Variants in FBXL7 observed in about 807,000 individuals in gnomAD.
The protein encoded by FBXL7 is F-box and leucine rich repeat protein 7, also known as F-box/LRR-repeat protein 7.
A neutral mutation model predicts 38.3 loss-of-function variants in FBXL7; 12 were observed. That is an observed-to-expected ratio of 0.31 (90% CI 0.20 to 0.51). The LOEUF (loss-of-function observed/expected upper bound fraction) is 0.51. Ranked by LOEUF, FBXL7 falls within the 20% of genes least tolerant of loss-of-function variation. The pLI is 0.98. For missense variants in FBXL7, 567 were observed against 676.4 expected, an observed-to-expected ratio of 0.84 and a Z score of 1.79; for synonymous variants, 297 against 300.9, an observed-to-expected ratio of 0.99 and a Z score of 0.13.
At chr5:15,666,640 T>C (rs953806282) in intron 2 of FBXL7, among the ~76,000 whole-genome samples, 1 of 152,190 alleles carries the variant, frequency 6.6e-6, no homozygotes, top group Admixed American at 6.5e-5. Context: ...TCAAATGTTA[T>C]TTTCAGTGAT....
At chr5:15,775,098 G>A (rs969641065) in intron 2 of FBXL7, among the ~76,000 whole-genome samples, 6 of 152,138 alleles carry the variant, frequency 3.9e-5, no homozygotes, top group African/African-American at 1.4e-4. Context: ...AGTTTACCAT[G>A]TTGTAAACAT....
At chr5:15,724,201 AG>A (rs1744278457) in intron 2 of FBXL7, among the ~76,000 whole-genome samples, 1 of 152,158 alleles carries the variant, frequency 6.6e-6, no homozygotes, top group Non-Finnish European at 1.5e-5. Flanking sequence ...CTCCATTTTT[AG>A]TTTCTTTCAT....
chr5:15,785,423 A>G (rs879288700), intron 2 of FBXL7, among the ~76,000 whole-genome samples: 1 of 152,210 alleles, frequency 6.6e-6, no homozygotes, highest in Admixed American at 6.5e-5. Context: ...GCTTTCAGCA[A>G]CAACTGGGTC....
intron 2 of FBXL7, among the ~76,000 whole-genome samples, chr5:15,873,247 G>C (rs1397053866): frequency 6.6e-6 from 1 of 152,068 alleles, no homozygotes; most frequent in Admixed American, 6.6e-5. Context: ...AGAATCTGTG[G>C]GACACAGCTA....
At position 15,898,364 on chromosome 5, in the gene FBXL7, C is replaced by A. The variant is rs561816136; in HGVS notation, c.128-29526C>A. ...ACGAAAAGGCCTAAGCAATGGTCAC[C>A]AAAAACCTGGTAGTGATATATAGGG... On this transcript the variant is annotated intron_variant, in intron 2 of 3. Coordinates refer to ENST00000504595, the MANE Select transcript of FBXL7 (RefSeq NM_012304.5). 2.0e-5 allele frequency among the ~76,000 whole-genome samples: 3 copies of A among 152,186 alleles called. No homozygotes were observed. In the South Asian group the frequency reaches 6.2e-4, roughly 32 times the overall value.
intron 2 of FBXL7, among the ~76,000 whole-genome samples, chr5:15,657,419 A>T (rs1001561421): frequency 6.6e-6 from 1 of 152,246 alleles, no homozygotes; most frequent in African/African-American, 2.4e-5. Context: ...AAATAATTCT[A>T]TAGAACAAAT....
intron 1 of FBXL7, among the ~76,000 whole-genome samples, chr5:15,611,820 T>TAA (rs780092100): frequency 1.4e-5 from 2 of 138,624 alleles, no homozygotes; most frequent in African/African-American, 2.6e-5. Context: ...TCATCTCTAT[T>TAA]AAAAAAAAAA....
intron 2 of FBXL7, among the ~76,000 whole-genome samples, chr5:15,819,583 A>G (rs1738115275): frequency 2.0e-5 from 3 of 152,218 alleles, no homozygotes; most frequent in African/African-American, 7.2e-5. Context: ...TTGAAAACAA[A>G]GGGCAAAGGA....
At chr5:15,765,730 C>G (rs1475382358) in intron 2 of FBXL7, among the ~76,000 whole-genome samples, 1 of 152,168 alleles carries the variant, frequency 6.6e-6, no homozygotes, top group East Asian at 1.9e-4. Context: ...ATTGATGGCT[C>G]TTTCCTGAGT....
chr5:15,891,855 C>A (rs1281407531), intron 2 of FBXL7, among the ~76,000 whole-genome samples: 1 of 152,196 alleles, frequency 6.6e-6, no homozygotes, highest in East Asian at 1.9e-4. Flanking sequence ...CCTGAAGGGG[C>A]AGAGGGAGAG....
chr5:15,642,646 C>T (rs1741405000), intron 2 of FBXL7, among the ~76,000 whole-genome samples: 1 of 152,138 alleles, frequency 6.6e-6, no homozygotes, highest in Non-Finnish European at 1.5e-5. Flanking sequence ...CAGTGGGTTG[C>T]CATGGAGCAA....
intron 1 of FBXL7, among the ~76,000 whole-genome samples, chr5:15,572,699 T>C (rs1738830971): frequency 6.6e-6 from 1 of 152,154 alleles, no homozygotes; most frequent in African/African-American, 2.4e-5. Flanking sequence ...TGGTTTTCTA[T>C]TGTGGAACAT....
intron 2 of FBXL7, among the ~76,000 whole-genome samples, chr5:15,691,817 C>A (rs1472192250): frequency 6.6e-6 from 1 of 152,060 alleles, no homozygotes; most frequent in East Asian, 1.9e-4. Context: ...GAGATGAAGT[C>A]GACTGAGAAA....
chr5:15,766,882 GAAC>G (rs1311686972), intron 2 of FBXL7, among the ~76,000 whole-genome samples: 1 of 152,182 alleles, frequency 6.6e-6, no homozygotes, highest in Non-Finnish European at 1.5e-5. Context: ...GTGACGAGCA[GAAC>G]AACCTGAGAA....
chr5:15,756,045 T>A (rs1433518564), intron 2 of FBXL7, among the ~76,000 whole-genome samples: 3 of 152,212 alleles, frequency 2.0e-5, no homozygotes, highest in Admixed American at 6.5e-5. Flanking sequence ...TATTACTAAA[T>A]AACATGTAAA....
intron 2 of FBXL7, among the ~76,000 whole-genome samples, chr5:15,843,994 A>G (rs1328628630): frequency 6.6e-6 from 1 of 152,054 alleles, no homozygotes; most frequent in Non-Finnish European, 1.5e-5. Flanking sequence ...TCTCTAGAGA[A>G]GTGCCTTTTT....
chr5:15,835,668 G>T (rs1370244694), intron 2 of FBXL7, among the ~76,000 whole-genome samples: 3 of 152,166 alleles, frequency 2.0e-5, no homozygotes, highest in Non-Finnish European at 2.9e-5. Flanking sequence ...AAGGCCATCT[G>T]ATGCAGGTCT....
chr5:15,711,364 A>T (rs1325574254), intron 2 of FBXL7, among the ~76,000 whole-genome samples: 1 of 152,208 alleles, frequency 6.6e-6, no homozygotes, highest in African/African-American at 2.4e-5. Context: ...GTATGAAGAA[A>T]TGAAGATACC....
At chr5:15,665,596 T>C (rs1003734061) in intron 2 of FBXL7, among the ~76,000 whole-genome samples, 1 of 152,214 alleles carries the variant, frequency 6.6e-6, no homozygotes, top group African/African-American at 2.4e-5. Flanking sequence ...GTTTACCATC[T>C]AGATGCAGTT....
Sources: allele counts gnomAD v4.1 joint callset (sites outside exome capture counted in the v4.1 genomes callset), GRCh38; gene constraint gnomAD v4.1.1; transcripts MANE v1.5; gene names NCBI Gene and HGNC (gene_info 2026-07-23, HGNC 2026-07-21).